The following DOCK5 variants were observed in gnomAD, a reference collection of about 807,000 sequenced individuals.
DOCK5 encodes dedicator of cytokinesis protein 5.
In DOCK5, 142 loss-of-function variants were observed where a neutral mutation model predicts 251.8. The observed-to-expected ratio is 0.56, with a 90% CI of 0.49 to 0.65. DOCK5 has a LOEUF of 0.65. DOCK5 is among the 30% of genes least tolerant of loss of function. The probability of loss-of-function intolerance (pLI) is 0.00; values close to 1 mark genes in which losing one functional copy is unlikely to be tolerated. For synonymous variants in DOCK5, 842 were observed against 835.5 expected (o/e 1.01, Z -0.13); for missense variants, 2,111 against 2,312.3 (o/e 0.91, Z 1.79).
At chr8:25,221,943 A>G in intron 1 of DOCK5, among the ~76,000 whole-genome samples, 1 of 152,162 alleles carries the variant, frequency 6.6e-6, no homozygotes, top group Non-Finnish European at 1.5e-5. Flanking sequence ...GGCTATGCTG[A>G]CCCATGCCAA....
At chr8:25,400,069 C>A in intron 46 of DOCK5, 75 bp downstream of exon 46, 2 of 1,169,636 alleles carry the variant, frequency 1.7e-6, no homozygotes, top group Non-Finnish European at 2.5e-6. Flanking sequence ...GGGCTTAAGT[C>A]TACAAGCCCA....
At chr8:25,267,726 A>G (rs1041287034) in intron 2 of DOCK5, among the ~76,000 whole-genome samples, 5 of 152,206 alleles carry the variant, frequency 3.3e-5, no homozygotes, top group African/African-American at 1.2e-4. Flanking sequence ...GAATGAGGGA[A>G]ATTATTACAG....
chr8:25,299,758 G>A (rs1249019009), intron 8 of DOCK5, among the ~76,000 whole-genome samples: 2 of 152,074 alleles, frequency 1.3e-5, no homozygotes, highest in South Asian at 2.1e-4. Context: ...GATGGGCATT[G>A]TTCAGCCCTA....
intron 4 of DOCK5, chr8:25,277,162 T>A (rs1337649819): frequency 6.5e-6 from 1 of 154,090 alleles, no homozygotes; most frequent in Non-Finnish European, 1.5e-5. Context: ...AATTCATAGG[T>A]AGTATGCAAC....
chr8:25,392,111 G>C (rs1452284311), intron 43 of DOCK5, 131 bp downstream of exon 43: 1 of 816,712 alleles, frequency 1.2e-6, no homozygotes, highest in African/African-American at 1.8e-5. Flanking sequence ...AGACCATCCT[G>C]GCTAATACGG....
rs61624679 is a variant in DOCK5 at position 25,334,795 on chromosome 8, G to A, written c.2192+599G>A. On this transcript the variant is annotated intron_variant, in intron 21 of 51. Coordinates refer to ENST00000276440, the MANE Select transcript of DOCK5 (RefSeq NM_024940.8). ...GAGGTTGAATGTCAGTGGGATTGGC[G>A]TGGGACATCAAGGAGATCAAACCAT... Among the ~76,000 whole-genome samples the A allele has an allele frequency of 5.1e-3, 767 of 151,756 alleles. 5 individuals carry two copies. Among genetic ancestry groups the A allele is most frequent in the African/African-American group, 0.017 (707 of 41,382 alleles).
At chr8:25,370,856 C>T (rs1800860631) in intron 34 of DOCK5, among the ~76,000 whole-genome samples, 1 of 152,158 alleles carries the variant, frequency 6.6e-6, no homozygotes, top group African/African-American at 2.4e-5. Context: ...GTTGCCCAGG[C>T]TGGTCTGAAA....
intron 37 of DOCK5, chr8:25,376,299 C>G (rs933951042): frequency 1.0e-6 from 1 of 985,098 alleles, no homozygotes; most frequent in African/African-American, 1.7e-5. Context: ...TTTTTTTCCC[C>G]CCAGATTGCT....
chr8:25,214,557 C>G (rs1213865711), intron 1 of DOCK5, among the ~76,000 whole-genome samples: 1 of 152,152 alleles, frequency 6.6e-6, no homozygotes, highest in Non-Finnish European at 1.5e-5. Context: ...CTGTCAGTAT[C>G]TATAAGTATA....
intron 6 of DOCK5, among the ~76,000 whole-genome samples, chr8:25,295,383 C>CT (rs953922162): frequency 2.7e-4 from 39 of 143,942 alleles, no homozygotes; most frequent in Non-Finnish European, 4.4e-4. Flanking sequence ...AAGGCTGTCT[C>CT]TAAAAAAAAT....
chr8:25,220,003 C>G (rs568342220), intron 1 of DOCK5, among the ~76,000 whole-genome samples: 2 of 147,868 alleles, frequency 1.4e-5, no homozygotes, highest in South Asian at 2.1e-4. Flanking sequence ...CTTTAGTTTT[C>G]TTCTTCTTTT....
At chr8:25,401,968 C>T (rs1801446700) in intron 47 of DOCK5, among the ~76,000 whole-genome samples, 1 of 152,202 alleles carries the variant, frequency 6.6e-6, no homozygotes, top group Admixed American at 6.5e-5. Flanking sequence ...CTCACAGCTA[C>T]AATTTTCTTT....
At chr8:25,300,969 G>A (rs562655146) in intron 9 of DOCK5, among the ~76,000 whole-genome samples, 1 of 152,322 alleles carries the variant, frequency 6.6e-6, no homozygotes, top group South Asian at 2.1e-4. Context: ...GGAGGCCAAG[G>A]TGGGAGGATC....
chr8:25,298,698 C>T (rs1005616045), intron 7 of DOCK5, among the ~76,000 whole-genome samples: 3 of 151,952 alleles, frequency 2.0e-5, no homozygotes, highest in Admixed American at 2.0e-4. Flanking sequence ...TCCTCTGTTC[C>T]CAGGTAGCTG....
chr8:25,408,019 G>A lies in DOCK5; in HGVS notation c.5130G>A (p.Ser1710=), dbSNP rs201702382. 374 of 1,612,786 alleles carry A rather than the reference G, an allele frequency of 2.3e-4. 4 individuals carry two copies. In the South Asian group the frequency reaches 3.7e-3, roughly 16 times the overall value. The change falls in exon 49 of 52, where the codon TCG becomes TCA. Residue 1710 remains serine, a synonymous_variant. Coordinates refer to ENST00000276440, the MANE Select transcript of DOCK5 (RefSeq NM_024940.8). ...AGCCACTTTTGGAGCGCAGGGCCTC[G>A]TCAGGTGCCAGAGTTGAAGATCTGT... is the stretch of plus-strand genomic sequence containing the variant. The part of the protein sequence containing the change: ...ILEPLLERRA[S]SGARVEDLSL...
intron 18 of DOCK5, among the ~76,000 whole-genome samples, chr8:25,327,947 A>G (rs887046577): frequency 6.6e-6 from 1 of 151,668 alleles, no homozygotes; most frequent in Admixed American, 6.6e-5. Context: ...TTACCCTTCT[A>G]CCGTGTGTGT....
intron 27 of DOCK5, among the ~76,000 whole-genome samples, 151 bp downstream of exon 27, chr8:25,351,977 T>C (rs944634280): frequency 6.6e-6 from 1 of 152,076 alleles, no homozygotes; most frequent in African/African-American, 2.4e-5. Context: ...CAGATCTTGA[T>C]TCTGACATGG....
chr8:25,337,352 A>T (rs1226602766), intron 22 of DOCK5, among the ~76,000 whole-genome samples: 1 of 152,140 alleles, frequency 6.6e-6, no homozygotes, highest in Admixed American at 6.5e-5. Context: ...TTTGATGCTA[A>T]TGGAGATATA....
intron 30 of DOCK5, 89 bp downstream of exon 30, chr8:25,364,793 A>G: frequency 1.1e-6 from 1 of 945,282 alleles, no homozygotes; most frequent in Non-Finnish European, 1.6e-6. Flanking sequence ...CTCAGATTTC[A>G]CTGTTTTCAC....
Sources: gnomAD v4.1 joint callset for allele counts (sites outside exome capture counted in the v4.1 genomes callset) on GRCh38, gnomAD v4.1.1 for gene constraint, MANE v1.5 for transcripts, NCBI Gene and HGNC (gene_info 2026-07-23, HGNC 2026-07-21) for gene names.